The following RAB3GAP2 variants were observed in gnomAD, a reference collection of about 807,000 sequenced individuals.
RAB3GAP2 encodes RAB3 GTPase activating non-catalytic protein subunit 2.
RAB3GAP2 carries 87 observed loss-of-function variants against 185.3 expected under a neutral mutation model. That is an observed-to-expected ratio of 0.47 (90% CI 0.39 to 0.56). The LOEUF (loss-of-function observed/expected upper bound fraction) is 0.56. RAB3GAP2 is among the 20% of genes least tolerant of loss of function. The pLI, the probability that RAB3GAP2 is intolerant of heterozygous loss-of-function variation, is 0.00. For synonymous variants in RAB3GAP2, 554 were observed against 576.1 expected, an observed-to-expected ratio of 0.96 and a Z score of 0.55; for missense variants, 1,492 against 1,638.2, an observed-to-expected ratio of 0.91 and a Z score of 1.54.
At chr1:220,252,612 T>G (rs1394939813) in intron 1 of RAB3GAP2, among the ~76,000 whole-genome samples, 1 of 152,166 alleles carries the variant, frequency 6.6e-6, no homozygotes, top group Non-Finnish European at 1.5e-5. Context: ...AAAGAAACCG[T>G]CACCTCCCGC....
At chr1:220,254,128 A>G in intron 1 of RAB3GAP2, 1 of 1,613,896 alleles carries the variant, frequency 6.2e-7, no homozygotes, top group Non-Finnish European at 8.5e-7. Context: ...TCTTCCTGCC[A>G]AGAAGAATGT....
chr1:220,228,080 C>T (rs1197300628), intron 2 of RAB3GAP2, among the ~76,000 whole-genome samples: 2 of 152,142 alleles, frequency 1.3e-5, no homozygotes, highest in Non-Finnish European at 2.9e-5. Flanking sequence ...AATTATAACG[C>T]CTTGACACAC....
At chr1:220,219,319 G>C (rs982669395) in intron 2 of RAB3GAP2, 1 of 152,188 alleles carries the variant, frequency 6.6e-6, no homozygotes, top group African/African-American at 2.4e-5. Context: ...AGGAACTACA[G>C]GGATCATTTG....
At position 220,149,165 on chromosome 1, in the gene RAB3GAP2, A is replaced by G. The variant is rs1657691713; in HGVS notation, c.*2086T>C. 6.6e-6 allele frequency: 1 copy of G among 152,202 alleles called. No homozygotes were observed. The highest frequency in any genetic ancestry group is 1.5e-5 in the Non-Finnish European group (1 of 68,026). 9.4% of individuals were successfully genotyped at this position (152,202 alleles called of 1,614,324 possible). ...TATCAATCAGATTTATTTATTTTAAAAGCCCTTGATAAGTAGTAAAATATT... is the reference window on the plus strand; with the variant it reads ...TATCAATCAGATTTATTTATTTTAAGAGCCCTTGATAAGTAGTAAAATATT... On this transcript the variant is annotated 3_prime_UTR_variant, in exon 35 of 35. Coordinates refer to ENST00000358951, the MANE Select transcript of RAB3GAP2 (RefSeq NM_012414.4).
intron 24 of RAB3GAP2, among the ~76,000 whole-genome samples, chr1:220,170,458 G>A (rs1377585043): frequency 1.3e-5 from 2 of 151,952 alleles, no homozygotes; most frequent in Admixed American, 1.3e-4. Flanking sequence ...AAAAAAAAAG[G>A]ATATTTGGTG....
intron 1 of RAB3GAP2, among the ~76,000 whole-genome samples, chr1:220,255,878 C>T (rs570008068): frequency 8.5e-5 from 13 of 152,260 alleles, no homozygotes; most frequent in African/African-American, 2.9e-4. Context: ...TCCAGGAGAA[C>T]TTCCCCAATC....
Position 220,158,549 on chromosome 1 carries a change from T to C in RAB3GAP2, c.3262-673A>G, listed in dbSNP as rs1313155540. Reference sequence around the variant, plus strand: ...TCCACCTCCCAGGTTCAAGCGATTATCCTGCCTCAGCCTCCTGAGTAGCTG... The same window carrying C: ...TCCACCTCCCAGGTTCAAGCGATTACCCTGCCTCAGCCTCCTGAGTAGCTG... On this transcript the variant is annotated intron_variant, in intron 29 of 34. Coordinates refer to ENST00000358951, the MANE Select transcript of RAB3GAP2 (RefSeq NM_012414.4). The surrounding 1 kb of genome is among the most constrained non-coding windows in gnomAD (Gnocchi z 4.3). 6.6e-6 allele frequency among the ~76,000 whole-genome samples: 1 copy of C among 151,998 alleles called. No homozygotes were observed. Among genetic ancestry groups the C allele is most frequent in the Non-Finnish European group, 1.5e-5 (1 of 68,000 alleles).
chr1:220,153,091 A>C (rs1657792750), intron 33 of RAB3GAP2, 94 bp downstream of exon 33: 1 of 924,998 alleles, frequency 1.1e-6, no homozygotes, highest in South Asian at 1.3e-5. Flanking sequence ...TAAAAGGAAG[A>C]GCAAAAGGCT....
chr1:220,188,128 T>G (rs1658539630), intron 17 of RAB3GAP2, among the ~76,000 whole-genome samples: 1 of 151,062 alleles, frequency 6.6e-6, no homozygotes, highest in African/African-American at 2.4e-5. Flanking sequence ...ACCCTACATC[T>G]AGTGGCAGAA....
intron 7 of RAB3GAP2, chr1:220,207,549 G>C (rs1305572441): frequency 6.6e-6 from 1 of 152,210 alleles, no homozygotes; most frequent in Non-Finnish European, 1.5e-5. Flanking sequence ...AGGGCCACAG[G>C]GGCATAAACC....
At position 220,148,952 on chromosome 1, in the gene RAB3GAP2, A is replaced by G. The variant is rs1265781640; in HGVS notation, c.*2299T>C. 6.6e-6 allele frequency: 1 copy of G among 152,176 alleles called. No individual in the cohort carries two copies. The highest frequency in any genetic ancestry group is 1.5e-5 in the Non-Finnish European group (1 of 68,016). 9.4% of individuals were successfully genotyped at this position (152,176 alleles called of 1,614,324 possible). A position where few individuals can be genotyped will look rare whatever the true frequency, so the allele number is the denominator to read the frequency against. ...ATATTTAATGTTTGTTAATGAAGAA[A>G]GTTGTGTGAGGGTGGGCATATATCT... On this transcript the variant is annotated 3_prime_UTR_variant, in exon 35 of 35. Transcript: ENST00000358951.
chr1:220,193,257 G>A lies in RAB3GAP2; in HGVS notation c.1253C>T (p.Ala418Val). 1 of 1,613,944 alleles carries A rather than the reference G, an allele frequency of 6.2e-7. No homozygotes were observed. Among genetic ancestry groups the A allele is most frequent in the South Asian group, 1.1e-5 (1 of 91,068 alleles). ...AGAAGTACCTTTCCACATGCGTATT[G>A]CAATTCCTCTAGCTACATCCAATAA... The part of the protein sequence containing the change: ...VILLDVARGI[A>V]IRMWKGYRDA... Residue 418 changes from alanine to valine, a missense_variant, in exon 13 of 35, where the codon GCA (alanine) becomes GTA (valine). Ala to Val is a moderately conservative substitution (Grantham distance 64). Transcript: ENST00000358951.
intron 28 of RAB3GAP2, among the ~76,000 whole-genome samples, chr1:220,161,172 A>G (rs996116680): frequency 6.6e-6 from 1 of 152,190 alleles, no homozygotes; most frequent in East Asian, 1.9e-4. Flanking sequence ...GAAAGAAGCT[A>G]TTCAGTCAAG....
intron 1 of RAB3GAP2, among the ~76,000 whole-genome samples, chr1:220,252,256 T>C (rs1659947829): frequency 2.0e-5 from 3 of 150,846 alleles, no homozygotes; most frequent in Admixed American, 2.0e-4. Flanking sequence ...TTATATAATA[T>C]ATAATTAAAC....
chr1:220,163,913 A>G (rs1228169372), intron 27 of RAB3GAP2, among the ~76,000 whole-genome samples: 1 of 151,882 alleles, frequency 6.6e-6, no homozygotes, highest in Non-Finnish European at 1.5e-5. Flanking sequence ...TAGCTTCTCT[A>G]GAATTTATTA....
intron 2 of RAB3GAP2, among the ~76,000 whole-genome samples, chr1:220,229,084 A>G (rs1571917439): frequency 6.6e-6 from 1 of 152,218 alleles, no homozygotes; most frequent in Non-Finnish European, 1.5e-5. Flanking sequence ...CATGCTTTAC[A>G]GGTCAGATAT....
intron 9 of RAB3GAP2, among the ~76,000 whole-genome samples, chr1:220,198,031 C>T (rs1658762670): frequency 6.6e-6 from 1 of 152,138 alleles, no homozygotes; most frequent in East Asian, 1.9e-4. Context: ...CGAGTTTAAA[C>T]TAATTAATCC....
At chr1:220,219,562 TC>T in intron 2 of RAB3GAP2, 1 of 152,300 alleles carries the variant, frequency 6.6e-6, no homozygotes, top group East Asian at 1.9e-4. Context: ...CCCTCGATGT[TC>T]TCATATCTCT....
At chr1:220,249,692 G>A (rs149323422) in intron 1 of RAB3GAP2, among the ~76,000 whole-genome samples, 78 of 152,266 alleles carry the variant, frequency 5.1e-4, no homozygotes, top group African/African-American at 1.7e-3. Context: ...GGCCTAGGAG[G>A]AAATAATGGT....
Sources: gnomAD v4.1 joint callset for allele counts (sites outside exome capture counted in the v4.1 genomes callset) on GRCh38, gnomAD v4.1.1 for gene constraint, Gnocchi (gnomAD v3.1) non-coding constraint, MANE v1.5 for transcripts, NCBI Gene and HGNC (gene_info 2026-07-23, HGNC 2026-07-21) for gene names.